FLI1: variants seen among roughly 807,000 people sequenced by gnomAD.
FLI1 encodes Fli-1 proto-oncogene, ETS transcription factor.
A neutral mutation model predicts 53.1 loss-of-function variants in FLI1; 13 were observed. The ratio of observed to expected loss-of-function variants is 0.24; its 90% CI spans 0.16 to 0.39. The LOEUF is 0.39. Ranked by LOEUF, FLI1 falls within the 10% of genes least tolerant of loss-of-function variation. FLI1 has a pLI of 1.00. For missense variants in FLI1, 424 were observed against 600.5 expected (o/e 0.71, Z 3.07); for synonymous variants, 244 against 236.7 (o/e 1.03, Z -0.28).
Position 128,694,178 on chromosome 11 carries a change from TA to T in FLI1, c.-79del. Reference sequence around the variant, plus strand: ...GGGCGCCAGGGAGGCCGCGCCGGGCTAATCCGAAGGGGCTGCGAGGTCAGGC... The same window carrying T: ...GGGCGCCAGGGAGGCCGCGCCGGGCTATCCGAAGGGGCTGCGAGGTCAGGC... On this transcript the variant is annotated 5_prime_UTR_variant, in exon 1 of 9. Transcript: ENST00000527786. The T allele has an allele frequency of 1.4e-6, 2 of 1,470,468 alleles. No homozygotes were observed. Among genetic ancestry groups the T allele is most frequent in the South Asian group, 1.3e-5 (1 of 74,264 alleles). The allele number at this position is 1,470,468 out of a possible 1,614,324, so 91.1% of individuals were successfully genotyped here.
At position 128,758,286 on chromosome 11, in the gene FLI1, G is replaced by C; in HGVS notation, c.190G>C (p.Val64Leu). Residue 64 changes from valine (V) to leucine (L), a missense_variant, in exon 2 of 9, where the codon GTC becomes CTC. Val to Leu is a conservative substitution (Grantham distance 32). Coordinates refer to ENST00000527786, the MANE Select transcript of FLI1 (RefSeq NM_002017.5). ...GGAGTGGATCAATCAGCCAGTGAGG[G>C]TCAACGTCAAGCGGGAGTATGACCA... is the stretch of plus-strand genomic sequence containing the variant. Reference protein sequence around the residue: ...QQEWINQPVRVNVKREYDHMN... With the variant: ...QQEWINQPVRLNVKREYDHMN... 2 of 1,613,648 alleles carry C rather than the reference G, an allele frequency of 1.2e-6. No individual in the cohort carries two copies. Among genetic ancestry groups the C allele is most frequent in the Non-Finnish European group, 1.7e-6 (2 of 1,179,744 alleles).
chr11:128,784,340 A>G (rs1345701010), intron 5 of FLI1, among the ~76,000 whole-genome samples: 1 of 146,978 alleles, frequency 6.8e-6, no homozygotes, highest in East Asian at 2.0e-4. Flanking sequence ...TTTTGTGTTT[A>G]GGGAGGACAT....
At chr11:128,703,954 A>G (rs923289959) in intron 1 of FLI1, among the ~76,000 whole-genome samples, 1 of 152,002 alleles carries the variant, frequency 6.6e-6, no homozygotes, top group Non-Finnish European at 1.5e-5. Flanking sequence ...GGTGACTTTA[A>G]GATTCGAAAT....
At chr11:128,715,557 G>A (rs1389539850) in intron 1 of FLI1, among the ~76,000 whole-genome samples, 2 of 152,084 alleles carry the variant, frequency 1.3e-5, no homozygotes, top group Non-Finnish European at 2.9e-5. Flanking sequence ...AATTTGTAAG[G>A]GTCATTTTAT....
At chr11:128,785,987 G>A (rs1316160964) in intron 5 of FLI1, among the ~76,000 whole-genome samples, 1 of 152,074 alleles carries the variant, frequency 6.6e-6, no homozygotes, top group East Asian at 1.9e-4. Context: ...TGGTTAAAAT[G>A]GTAAGTTTTA....
intron 1 of FLI1, among the ~76,000 whole-genome samples, chr11:128,720,965 C>A (rs1271083218): frequency 1.3e-5 from 2 of 152,148 alleles, no homozygotes; most frequent in Non-Finnish European, 2.9e-5. Flanking sequence ...TCTGGCCACC[C>A]CCGGCCCTTC....
intron 5 of FLI1, among the ~76,000 whole-genome samples, chr11:128,801,836 C>T (rs140663047): frequency 1.3e-5 from 2 of 152,268 alleles, no homozygotes; most frequent in African/African-American, 4.8e-5. Context: ...TATCAGAGAA[C>T]ACAACAGAGA....
intron 1 of FLI1, among the ~76,000 whole-genome samples, chr11:128,711,178 G>C (rs2135718365): frequency 6.6e-6 from 1 of 152,274 alleles, no homozygotes; most frequent in South Asian, 2.1e-4. Context: ...TTAATTAGTT[G>C]ATTAATCTAA....
In FLI1 at chr11:128,812,747, A is replaced by C. The variant is rs1165637749; in HGVS notation, c.*1759A>C. Reference sequence around the variant, plus strand: ...TTTAACTCTGCAGCCTCCCCTGGGCACTTCAGACCCAGACGGCCACCTTCT... The same window carrying C: ...TTTAACTCTGCAGCCTCCCCTGGGCCCTTCAGACCCAGACGGCCACCTTCT... On this transcript the variant is annotated 3_prime_UTR_variant, in exon 9 of 9. Coordinates refer to ENST00000527786, the MANE Select transcript of FLI1 (RefSeq NM_002017.5). The C allele has an allele frequency of 4.6e-6, 1 of 217,136 alleles. No individual in the cohort carries two copies. Among genetic ancestry groups the C allele is most frequent in the Non-Finnish European group, 9.3e-6 (1 of 107,712 alleles). The allele number at this position is 217,136 out of a possible 1,614,324, so 13.5% of individuals were successfully genotyped here. A position where few individuals can be genotyped will look rare whatever the true frequency, so the allele number is the denominator to read the frequency against.
At chr11:128,790,244 G>A (rs1942229700) in intron 5 of FLI1, among the ~76,000 whole-genome samples, 1 of 146,314 alleles carries the variant, frequency 6.8e-6, no homozygotes, top group Non-Finnish European at 1.5e-5. Flanking sequence ...ACCCTCTTCG[G>A]AGAGTTGCAT....
chr11:128,685,285 G>A (rs1439855409), upstream of FLI1, among the ~76,000 whole-genome samples: 1 of 152,174 alleles, frequency 6.6e-6, no homozygotes, highest in African/African-American at 2.4e-5. Context: ...GGGAGCTCTG[G>A]GCACACAGGA....
At chr11:128,721,386 G>A (rs936993498) in intron 1 of FLI1, among the ~76,000 whole-genome samples, 2 of 152,222 alleles carry the variant, frequency 1.3e-5, no homozygotes, top group Non-Finnish European at 2.9e-5. Flanking sequence ...AGAATAAAAA[G>A]AGAAGAAACT....
Position 128,737,001 on chromosome 11 carries a change from C to T in FLI1, c.19-21114C>T, listed in dbSNP as rs533740797. ...CCATGCCAAGCCTCCGACCACAAACCCAACCAAACATTTTCAAAAAGATGT... is the reference window on the plus strand; with the variant it reads ...CCATGCCAAGCCTCCGACCACAAACTCAACCAAACATTTTCAAAAAGATGT... On this transcript the variant is annotated intron_variant, in intron 1 of 8. Transcript: ENST00000527786. Among the ~76,000 whole-genome samples the T allele has an allele frequency of 2.0e-5, 3 of 152,254 alleles. No individual in the cohort carries two copies. The South Asian group carries it at 6.2e-4, about 32-fold the overall frequency.
intron 1 of FLI1, among the ~76,000 whole-genome samples, chr11:128,746,760 G>A (rs781438158): frequency 3.9e-5 from 6 of 152,170 alleles, no homozygotes; most frequent in Non-Finnish European, 7.3e-5. Context: ...GCTCTTGGTG[G>A]TCAGGGAAGT....
chr11:128,809,990 G>A (rs540828513), intron 8 of FLI1, among the ~76,000 whole-genome samples: 4 of 152,152 alleles, frequency 2.6e-5, no homozygotes, highest in Non-Finnish European at 5.9e-5. Context: ...AGCTCATGGC[G>A]CAGCTTCTCC....
chr11:128,787,587 G>A (rs930598636), intron 5 of FLI1, among the ~76,000 whole-genome samples: 5 of 152,154 alleles, frequency 3.3e-5, no homozygotes, highest in South Asian at 2.1e-4. Flanking sequence ...CTGTGACCTG[G>A]ACAAGGTGCT....
chr11:128,774,848 C>A (rs545202857), intron 4 of FLI1, among the ~76,000 whole-genome samples: 181 of 152,258 alleles, frequency 1.2e-3, no homozygotes, highest in African/African-American at 4.2e-3. Context: ...AACACAGATG[C>A]TGAAGTGAGA....
intron 2 of FLI1, 126 bp from the exon 3 acceptor site, chr11:128,767,992 A>G (rs1941407668): frequency 1.3e-6 from 1 of 759,160 alleles, no homozygotes; most frequent in Admixed American, 2.9e-5. Context: ...CATCATCATG[A>G]CACCAAGTGT....
At chr11:128,788,061 C>T (rs613537) in intron 5 of FLI1, among the ~76,000 whole-genome samples, 34,480 of 151,688 alleles carry the variant, frequency 0.23, 4,612 homozygotes, top group Non-Finnish European at 0.31. Flanking sequence ...CTGCCCGCCT[C>T]GGCCTCCTAA....
Sources: gnomAD v4.1 joint callset for allele counts (sites outside exome capture counted in the v4.1 genomes callset) on GRCh38, gnomAD v4.1.1 for gene constraint, MANE v1.5 for transcripts, NCBI Gene and HGNC (gene_info 2026-07-23, HGNC 2026-07-21) for gene names.